AGGF1: variants seen among roughly 807,000 people sequenced by gnomAD.
AGGF1 encodes the protein angiogenic factor with G patch and FHA domains 1.
AGGF1 carries 56 observed loss-of-function variants against 86.5 expected under a neutral mutation model. The observed-to-expected ratio is 0.65, with a 90% CI of 0.52 to 0.81. AGGF1 has a LOEUF of 0.81. Among genes scored for constraint, AGGF1 ranks in the 30% least tolerant of loss-of-function variants. AGGF1 has a pLI of 0.00. For missense variants in AGGF1, 816 were observed against 850.9 expected, an observed-to-expected ratio of 0.96 and a Z score of 0.51; for synonymous variants, 313 against 297.1, an observed-to-expected ratio of 1.05 and a Z score of -0.55.
At chr5:77,034,573 A>G in intron 2 of AGGF1, 53 bp downstream of exon 2, 1 of 1,240,336 alleles carries the variant, frequency 8.1e-7, no homozygotes, top group Non-Finnish European at 1.2e-6. Flanking sequence ...AAATCATGCT[A>G]ATGTTGCGTT....
intron 12 of AGGF1, among the ~76,000 whole-genome samples, chr5:77,060,987 T>C (rs574004464): frequency 6.6e-6 from 1 of 152,296 alleles, no homozygotes; most frequent in Non-Finnish European, 1.5e-5. Context: ...AGATAGAACA[T>C]AAAATACTCT....
intron 5 of AGGF1, among the ~76,000 whole-genome samples, chr5:77,041,390 A>G (rs926772968): frequency 6.6e-6 from 1 of 151,972 alleles, no homozygotes; most frequent in African/African-American, 2.4e-5. Flanking sequence ...AACATGGTGA[A>G]TCCCCGTCTC....
At chr5:77,047,194 A>G (rs1747284219) in intron 6 of AGGF1, among the ~76,000 whole-genome samples, 1 of 151,936 alleles carries the variant, frequency 6.6e-6, no homozygotes, top group Admixed American at 6.5e-5. Context: ...CCTCAGATCA[A>G]AAATATTCAG....
intron 11 of AGGF1, among the ~76,000 whole-genome samples, chr5:77,059,070 T>C (rs73764641): frequency 0.024 from 3,711 of 152,284 alleles, 69 homozygotes; most frequent in African/African-American, 0.055. Flanking sequence ...GTCAAACTAC[T>C]ATAGGTCCCT....
chr5:77,030,446 T>G lies in AGGF1; in HGVS notation c.-321T>G. 1.8e-6 allele frequency: 1 copy of G among 549,378 alleles called. No individual in the cohort carries two copies. The highest frequency in any genetic ancestry group is 1.5e-5 in the South Asian group (1 of 65,454). 34.0% of individuals were successfully genotyped at this position (549,378 alleles called of 1,614,324 possible). A position where few individuals can be genotyped will look rare whatever the true frequency, so the allele number is the denominator to read the frequency against. ...AACTGGGGAGCTGCTGGAGCTCTTC[T>G]GGCCTCTGGTTTTCCGACTGCTTAT... On this transcript the variant is annotated 5_prime_UTR_variant, in exon 1 of 14. Transcript: ENST00000312916.
intron 13 of AGGF1, 132 bp downstream of exon 13, chr5:77,061,934 T>C: frequency 1.2e-6 from 1 of 808,694 alleles, no homozygotes; most frequent in Non-Finnish European, 2.1e-6. Flanking sequence ...ACTGCCTTTG[T>C]GGCATTCACA....
chr5:77,048,033 G>A (rs1747302491), intron 6 of AGGF1, 128 bp from the exon 7 acceptor site: 3 of 712,146 alleles, frequency 4.2e-6, no homozygotes, highest in Non-Finnish European at 7.6e-6. Context: ...AATTTAAGAA[G>A]TTTGTTTTAG....
At position 77,030,467 on chromosome 5, in the gene AGGF1, C is replaced by G; in HGVS notation, c.-300C>G. ...CTTCTGGCCTCTGGTTTTCCGACTG[C>G]TTATCCGACGCTCCTCCCTCTGTCT... On this transcript the variant is annotated 5_prime_UTR_variant, in exon 1 of 14. Transcript: ENST00000312916. The G allele has an allele frequency of 3.4e-6, 2 of 590,994 alleles. No individual in the cohort carries two copies. Among genetic ancestry groups the G allele is most frequent in the Non-Finnish European group, 6.4e-6 (2 of 314,504 alleles). The allele number at this position is 590,994 out of a possible 1,614,324, so 36.6% of individuals were successfully genotyped here.
chr5:77,040,182 C>T (rs1747047007), intron 5 of AGGF1, among the ~76,000 whole-genome samples: 2 of 150,640 alleles, frequency 1.3e-5, no homozygotes, highest in African/African-American at 4.9e-5. Context: ...GATCTCAGCT[C>T]ACCGCAACCT....
chr5:77,034,349 A>G, intron 1 of AGGF1, 69 bp from the exon 2 acceptor site: 1 of 934,052 alleles, frequency 1.1e-6, no homozygotes, highest in Admixed American at 1.8e-5. Flanking sequence ...TTGTAACGGT[A>G]GGAGACTGGT....
At chr5:77,031,086 A>G in intron 1 of AGGF1, 110 bp downstream of exon 1, 1 of 1,162,038 alleles carries the variant, frequency 8.6e-7, no homozygotes, top group Non-Finnish European at 1.3e-6. Flanking sequence ...ACTGTAGAGT[A>G]CTTAAAGTAA....
At chr5:77,054,611 A>G (rs1472311851) in intron 10 of AGGF1, among the ~76,000 whole-genome samples, 1 of 152,230 alleles carries the variant, frequency 6.6e-6, no homozygotes, top group Non-Finnish European at 1.5e-5. Context: ...TGATAAGTAC[A>G]TGAAGTAGTA....
rs1279844741 is a variant in AGGF1 at position 77,063,606 on chromosome 5, T to G, written c.*354T>G. 1 of 239,512 alleles carries G rather than the reference T, an allele frequency of 4.2e-6. No individual in the cohort carries two copies. The highest frequency in any genetic ancestry group is 1.7e-3 in the Middle Eastern group (1 of 588). The allele number at this position is 239,512 out of a possible 1,614,324, so 14.8% of individuals were successfully genotyped here. A position where few individuals can be genotyped will look rare whatever the true frequency, so the allele number is the denominator to read the frequency against. ...GTACATCTGTTCTTGTCTCCATATA[T>G]TCATGTAAGATGCACAACAAAAGAA... On this transcript the variant is annotated 3_prime_UTR_variant, in exon 14 of 14. Transcript: ENST00000312916.
intron 1 of AGGF1, among the ~76,000 whole-genome samples, chr5:77,033,414 C>T (rs1746908387): frequency 6.6e-6 from 1 of 152,020 alleles, no homozygotes; most frequent in Non-Finnish European, 1.5e-5. Flanking sequence ...AGTATAGTGC[C>T]CAGCATGTAG....
chr5:77,048,040 T>G (rs1747302639), intron 6 of AGGF1, 121 bp from the exon 7 acceptor site: 1 of 730,208 alleles, frequency 1.4e-6, no homozygotes. Flanking sequence ...GAAGTTTGTT[T>G]TAGTCAGAAT....
intron 5 of AGGF1, among the ~76,000 whole-genome samples, chr5:77,042,239 T>C (rs1747104965): frequency 6.6e-6 from 1 of 151,200 alleles, no homozygotes; most frequent in Admixed American, 6.6e-5. Flanking sequence ...AACCATCCGA[T>C]TTCTCAATCT....
At chr5:77,035,516 A>C in intron 2 of AGGF1, 25 bp from the exon 3 acceptor site, 1 of 1,549,350 alleles carries the variant, frequency 6.5e-7, no homozygotes, top group Non-Finnish European at 8.9e-7. Context: ...ATATGATACG[A>C]TTTCACTTCA....
intron 11 of AGGF1, among the ~76,000 whole-genome samples, chr5:77,058,285 G>A (rs1291321976): frequency 6.6e-6 from 1 of 152,062 alleles, no homozygotes. Context: ...AATATTTCTA[G>A]TTTACTTTTG....
At chr5:77,036,829 C>A in intron 4 of AGGF1, 109 bp downstream of exon 4, 1 of 1,235,600 alleles carries the variant, frequency 8.1e-7, no homozygotes. Context: ...CTTTCACCCC[C>A]CAGGTTCAAG....
Sources: gnomAD v4.1 joint callset for allele counts (sites outside exome capture counted in the v4.1 genomes callset) on GRCh38, gnomAD v4.1.1 for gene constraint, MANE v1.5 for transcripts, NCBI Gene and HGNC (gene_info 2026-07-23, HGNC 2026-07-21) for gene names.